The following NFATC1 variants were observed in gnomAD, a reference collection of about 807,000 sequenced individuals.
NFATC1 encodes the protein nuclear factor of activated T cells 1, also known as nuclear factor of activated T-cells, cytoplasmic 1.
Under a neutral mutation model 76.0 loss-of-function variants are expected in NFATC1, and 22 were observed. The observed-to-expected ratio is 0.29, with a 90% CI of 0.21 to 0.41. NFATC1 has a LOEUF of 0.41. Ranked by LOEUF, NFATC1 falls within the 10% of genes least tolerant of loss-of-function variation. The pLI is 1.00. For synonymous variants in NFATC1, 704 were observed against 613.1 expected (o/e 1.15, Z -2.19); for missense variants, 1,357 against 1,337.7 (o/e 1.01, Z -0.23).
intron 9 of NFATC1, among the ~76,000 whole-genome samples, chr18:79,514,033 A>G (rs1042240727): frequency 6.6e-6 from 1 of 152,066 alleles, no homozygotes; most frequent in Non-Finnish European, 1.5e-5. Flanking sequence ...CGTGGGGCAG[A>G]GTGAGCGGAG....
At chr18:79,474,539 G>C (rs184877478) in intron 8 of NFATC1, among the ~76,000 whole-genome samples, 1 of 144,850 alleles carries the variant, frequency 6.9e-6, no homozygotes, top group Admixed American at 6.9e-5. Context: ...ACTCACTGTC[G>C]ACATTGTGAG....
chr18:79,446,185 A>G (rs748930395), intron 3 of NFATC1, among the ~76,000 whole-genome samples: 3 of 152,326 alleles, frequency 2.0e-5, no homozygotes, highest in East Asian at 1.9e-4. Flanking sequence ...AATGAACTTC[A>G]TGTTTTAAAT....
intron 8 of NFATC1, among the ~76,000 whole-genome samples, chr18:79,482,881 CT>C (rs1411546655): frequency 2.2e-5 from 3 of 138,544 alleles, no homozygotes; most frequent in African/African-American, 8.2e-5. Flanking sequence ...GACCTGGTTC[CT>C]GGGGTCTCAT....
intron 9 of NFATC1, among the ~76,000 whole-genome samples, chr18:79,500,737 T>C (rs571785807): frequency 6.6e-6 from 1 of 152,054 alleles, no homozygotes; most frequent in Non-Finnish European, 1.5e-5. Flanking sequence ...GCCAACAGAT[T>C]AAACAACCTG....
intron 9 of NFATC1, among the ~76,000 whole-genome samples, chr18:79,508,286 G>T (rs2090163735): frequency 6.6e-6 from 1 of 152,170 alleles, no homozygotes; most frequent in African/African-American, 2.4e-5. Context: ...CTGGCTGGAG[G>T]GAGGGATGGA....
chr18:79,416,537 C>T (rs62096879), intron 2 of NFATC1, among the ~76,000 whole-genome samples: 34,820 of 152,170 alleles, frequency 0.23, 4,533 homozygotes, highest in African/African-American at 0.36. Context: ...GGCGTTGTAC[C>T]GAACCCCAGC....
chr18:79,512,016 G>A (rs1048573764), intron 9 of NFATC1, among the ~76,000 whole-genome samples: 3 of 152,108 alleles, frequency 2.0e-5, no homozygotes, highest in African/African-American at 4.8e-5. Flanking sequence ...CGCAGGTGGC[G>A]GGAGCACGCG....
At position 79,467,331 on chromosome 18, in the gene NFATC1, AAACGCGGGGTTGCCG is replaced by A. The variant is rs2088556134; in HGVS notation, c.1960-118_1960-104del. 4.0e-6 allele frequency: 4 copies of A among 989,916 alleles called. No homozygotes were observed. The African/African-American group carries it at 5.3e-5, about 13-fold the overall frequency. The allele number at this position is 989,916 out of a possible 1,614,324, so 61.3% of individuals were successfully genotyped here. ...CGGGGTTGCCGTGTGGCCGCCGTGG[AAACGCGGGGTTGCCG>A]TGTGGCCGCCGTGGAAACGCGGGGT... On this transcript the variant is annotated intron_variant, in intron 7 of 9. Transcript: ENST00000427363.
At chr18:79,426,829 A>G (rs987144270) in intron 2 of NFATC1, among the ~76,000 whole-genome samples, 4 of 152,054 alleles carry the variant, frequency 2.6e-5, no homozygotes, top group Non-Finnish European at 4.4e-5. Flanking sequence ...GGGCTGCCCC[A>G]TAGCAGCCAC....
At chr18:79,526,052 C>T (rs1162895836) in intron 9 of NFATC1, among the ~76,000 whole-genome samples, 8 of 152,234 alleles carry the variant, frequency 5.3e-5, no homozygotes, top group African/African-American at 9.6e-5. Context: ...TGGGTGGGGA[C>T]GTGCGACCCC....
rs745394563 is a variant in NFATC1, at chr18:79,451,770, C to T, written c.1857C>T (p.His619=). The T allele has an allele frequency of 8.7e-6, 14 of 1,613,140 alleles. No homozygotes were observed. In the Admixed American group the frequency reaches 2.2e-4, roughly 25 times the overall value. The change falls in exon 6 of 10, where the codon CAC becomes CAT. Residue 619 remains histidine, a synonymous_variant. Coordinates refer to ENST00000427363, the MANE Select transcript of NFATC1 (RefSeq NM_001278669.2). ...GGAAGAAGATGGTCCTGTCTGGCCACAACTTCCTGCAGGACTCCAAGGTCA... is the reference window on the plus strand; with the variant it reads ...GGAAGAAGATGGTCCTGTCTGGCCATAACTTCCTGCAGGACTCCAAGGTCA... ...VGGKKMVLSG[H]NFLQDSKVIF...
chr18:79,485,710 G>A (rs1270016941), intron 8 of NFATC1, among the ~76,000 whole-genome samples: 6 of 152,228 alleles, frequency 3.9e-5, no homozygotes, highest in Non-Finnish European at 8.8e-5. Context: ...CCTTTAGAAG[G>A]GGACTCAGGA....
intron 3 of NFATC1, among the ~76,000 whole-genome samples, chr18:79,445,235 C>T (rs2087156192): frequency 1.3e-5 from 2 of 152,242 alleles, no homozygotes; most frequent in African/African-American, 2.4e-5. Flanking sequence ...TGCCGTGGGT[C>T]ACGTGGGCCT....
At chr18:79,447,281 CG>C (rs1219241864) in intron 3 of NFATC1, among the ~76,000 whole-genome samples, 3 of 152,244 alleles carry the variant, frequency 2.0e-5, no homozygotes, top group Non-Finnish European at 4.4e-5. Flanking sequence ...TCCCCTGGCC[CG>C]GGCTCCCCCG....
At position 79,410,304 on chromosome 18, in the gene NFATC1, T is replaced by C; in HGVS notation, c.128-99T>C. ...CTGAGGCCCGCTCCTTGGGGTCCGT[T>C]GGTCGAGGCCGGGGGTTGCTGGCCG... On this transcript the variant is annotated intron_variant, in intron 1 of 9. Transcript: ENST00000427363. This position sits in a 1 kb window ranked among gnomAD's most constrained non-coding sequence, Gnocchi z 6.7. 1.3e-6 allele frequency: 2 copies of C among 1,514,346 alleles called. No individual in the cohort carries two copies. The highest frequency in any genetic ancestry group is 1.8e-6 in the Non-Finnish European group (2 of 1,135,874). The allele number at this position is 1,514,346 out of a possible 1,614,324, so 93.8% of individuals were successfully genotyped here. A position where few individuals can be genotyped will look rare whatever the true frequency, so the allele number is the denominator to read the frequency against.
intron 2 of NFATC1, among the ~76,000 whole-genome samples, chr18:79,432,580 G>T (rs1216520932): frequency 6.6e-6 from 1 of 152,234 alleles, no homozygotes; most frequent in Non-Finnish European, 1.5e-5. Flanking sequence ...AGGAGGCTGG[G>T]CCGGGGCTGC....
At chr18:79,436,420 C>G (rs2086778183) in intron 3 of NFATC1, among the ~76,000 whole-genome samples, 1 of 152,248 alleles carries the variant, frequency 6.6e-6, no homozygotes, top group Admixed American at 6.5e-5. Context: ...CCCGCTGTCT[C>G]CTGCAGTGCA....
At position 79,486,810 on chromosome 18, in the gene NFATC1, C is replaced by CG; in HGVS notation, c.2656dup (p.Glu886GlyfsTer15). 5 of 1,611,406 alleles carry CG rather than the reference C, an allele frequency of 3.1e-6. No homozygotes were observed. Among genetic ancestry groups the CG allele is most frequent in the Non-Finnish European group, 4.2e-6 (5 of 1,179,326 alleles). ...ACCTGCCGTCCACGGTCCGCAGGGACGAGTCTCCGACTGCCGGGCCACGGC... is the reference window on the plus strand; with the variant it reads ...ACCTGCCGTCCACGGTCCGCAGGGACGGAGTCTCCGACTGCCGGGCCACGGC... On this transcript the variant is annotated frameshift_variant, in exon 9 of 10. Transcript: ENST00000427363. LOFTEE classifies it high-confidence loss of function.
chr18:79,452,361 C>T (rs2087512238), intron 6 of NFATC1, among the ~76,000 whole-genome samples: 2 of 152,208 alleles, frequency 1.3e-5, no homozygotes, highest in Admixed American at 1.3e-4. Flanking sequence ...CCCCTGCCTC[C>T]AGGTGTTGCG....
Sources: gnomAD v4.1 joint callset for allele counts (sites outside exome capture counted in the v4.1 genomes callset) on GRCh38, gnomAD v4.1.1 for gene constraint, Gnocchi (gnomAD v3.1) non-coding constraint, MANE v1.5 for transcripts, NCBI Gene and HGNC (gene_info 2026-07-23, HGNC 2026-07-21) for gene names.